Variants in B9D2 observed in about 807,000 individuals in gnomAD.
B9D2 encodes the protein B9 domain-containing protein 2.
Under a neutral mutation model 19.2 loss-of-function variants are expected in B9D2, and 21 were observed. The observed-to-expected ratio is 1.09, with a 90% CI of 0.78 to 1.58. The LOEUF (loss-of-function observed/expected upper bound fraction) is 1.58. Among genes scored for constraint, B9D2 ranks in the 40% most tolerant of loss-of-function variants. The pLI is 0.00. For synonymous variants in B9D2, 91 were observed against 100.6 expected, an observed-to-expected ratio of 0.90 and a Z score of 0.57; for missense variants, 221 against 244.3, an observed-to-expected ratio of 0.90 and a Z score of 0.64.
In B9D2 at chr19:41,354,733, G is replaced by A. The variant is rs542445852; in HGVS notation, c.495C>T (p.Leu165=). The change falls in exon 4 of 4, where the codon CTC becomes CTT. Residue 165 remains leucine, a synonymous_variant. Transcript: ENST00000243578. ...CCACGCCGTAGCGGTCGAAGTTGCG[G>A]AGCAGCAGGCCGATCTCCAGGTGCA... ...GTVHLEIGLL[L]RNFDRYGVEC The A allele has an allele frequency of 2.2e-5, 36 of 1,614,048 alleles. No homozygotes were observed. The highest frequency in any genetic ancestry group is 1.6e-4 in the Middle Eastern group (1 of 6,062).
In B9D2 at chr19:41,363,656, C is replaced by G. The variant is rs576803068; in HGVS notation, c.-4-133G>C. The G allele has an allele frequency of 1.3e-4, 108 of 805,500 alleles. No homozygotes were observed. The East Asian group carries it at 2.1e-3, about 16-fold the overall frequency. 49.9% of individuals were successfully genotyped at this position (805,500 alleles called of 1,614,324 possible). Reference sequence around the variant, plus strand: ...AGCTAGCTTCGTCACACCCCTGAGGCTGAGGTCTTGACCACAGATCCTAAT... The same window carrying G: ...AGCTAGCTTCGTCACACCCCTGAGGGTGAGGTCTTGACCACAGATCCTAAT... On this transcript the variant is annotated intron_variant, in intron 1 of 3. Transcript: ENST00000243578.
chr19:41,363,415 C>T lies in B9D2; in HGVS notation c.88+17G>A. On this transcript the variant is annotated intron_variant, in intron 2 of 3. Transcript: ENST00000243578. ...TAGGGGTCTTGGTGTGGAAATGAACCAGGCTTGGGGGAATACCTGTGTGAA... is the reference window on the plus strand; with the variant it reads ...TAGGGGTCTTGGTGTGGAAATGAACTAGGCTTGGGGGAATACCTGTGTGAA... 6.2e-7 allele frequency: 1 copy of T among 1,613,588 alleles called. No homozygotes were observed. Among genetic ancestry groups the T allele is most frequent in the Non-Finnish European group, 8.5e-7 (1 of 1,179,620 alleles).
At chr19:41,356,836 G>A (rs947542510) in intron 3 of B9D2, among the ~76,000 whole-genome samples, 8 of 138,934 alleles carry the variant, frequency 5.8e-5, no homozygotes, top group African/African-American at 2.2e-4. Flanking sequence ...GGGCAACAGA[G>A]TGAAACTCTG....
Position 41,357,915 on chromosome 19 carries a change from C to A in B9D2, c.196G>T (p.Ala66Ser), listed in dbSNP as rs1224741304. 1 of 1,614,098 alleles carries A rather than the reference C, an allele frequency of 6.2e-7. No homozygotes were observed. Among genetic ancestry groups the A allele is most frequent in the South Asian group, 1.1e-5 (1 of 91,074 alleles). Residue 66 changes from alanine to serine, a missense_variant, in exon 3 of 4, where the codon GCC becomes TCC. Ala to Ser is a moderately conservative substitution (Grantham distance 99, BLOSUM62 1). Transcript: ENST00000243578. Reference protein sequence around the residue: ...YWSHPIDLHFATKGLQGWPRL... With the variant: ...YWSHPIDLHFSTKGLQGWPRL... ...TACCCACCTTGAAGACCTTTGGTGG[C>A]GAAGTGCAGGTCGATGGGGTGGGAC...
intron 3 of B9D2, 85 bp from the exon 4 acceptor site, chr19:41,355,098 G>A (rs573077940): frequency 1.2e-4 from 164 of 1,326,752 alleles, no homozygotes; most frequent in Middle Eastern, 4.9e-4. Context: ...ACTCACTGGA[G>A]ACCCCAGGCC....
rs2038277745 is a variant in B9D2 at position 41,354,728 on chromosome 19, T to C, written c.500A>G (p.Asn167Ser). The C allele has an allele frequency of 4.3e-6, 7 of 1,614,054 alleles. No homozygotes were observed. Among genetic ancestry groups the C allele is most frequent in the Non-Finnish European group, 5.1e-6 (6 of 1,180,014 alleles). Residue 167 changes from asparagine to serine, a missense_variant, in exon 4 of 4, where the codon AAC becomes AGC. Transcript: ENST00000243578. ...GCACTCCACGCCGTAGCGGTCGAAGTTGCGGAGCAGCAGGCCGATCTCCAG... is the reference window on the plus strand; with the variant it reads ...GCACTCCACGCCGTAGCGGTCGAAGCTGCGGAGCAGCAGGCCGATCTCCAG... Reference protein sequence around the residue: ...VHLEIGLLLRNFDRYGVEC With the variant: ...VHLEIGLLLRSFDRYGVEC
At chr19:41,355,933 G>A (rs2038305916) in intron 3 of B9D2, among the ~76,000 whole-genome samples, 1 of 152,212 alleles carries the variant, frequency 6.6e-6, no homozygotes, top group South Asian at 2.1e-4. Flanking sequence ...TAGAGGAAGA[G>A]TGCTCCTAGC....
intron 2 of B9D2, chr19:41,362,940 G>A (rs1400736696): frequency 9.3e-6 from 2 of 214,782 alleles, no homozygotes; most frequent in East Asian, 1.1e-4. Flanking sequence ...CCTCAGTTGG[G>A]GAAGCATGAA....
At chr19:41,358,171 G>A in intron 2 of B9D2, 149 bp from the exon 3 acceptor site, 3 of 1,249,270 alleles carry the variant, frequency 2.4e-6, no homozygotes, top group Non-Finnish European at 2.2e-6. Context: ...TCAAATCCTG[G>A]CACTACCTCT....
At chr19:41,363,040 T>G in intron 2 of B9D2, 3 of 249,014 alleles carry the variant, frequency 1.2e-5, no homozygotes, top group East Asian at 1.0e-4. Flanking sequence ...AGCGCAGGAG[T>G]TCGAGACCAG....
rs1374927085 is a variant in B9D2, at chr19:41,354,562, A to G, written c.*138T>C. On this transcript the variant is annotated 3_prime_UTR_variant, in exon 4 of 4. Transcript: ENST00000243578. ...CCAGAGGGACCCCGAGGTCCTAGAA[A>G]GGACAGAAGCGGTGCCATGCCTTAG... The G allele has an allele frequency of 4.3e-5, 51 of 1,177,566 alleles. No homozygotes were observed. Among genetic ancestry groups the G allele is most frequent in the Non-Finnish European group, 1.3e-5 (11 of 815,946 alleles). The allele number at this position is 1,177,566 out of a possible 1,614,324, so 72.9% of individuals were successfully genotyped here.
intron 3 of B9D2, among the ~76,000 whole-genome samples, chr19:41,356,726 C>T (rs774386366): frequency 5.9e-5 from 9 of 151,760 alleles, no homozygotes; most frequent in Non-Finnish European, 1.3e-4. Context: ...TGGCACGTGG[C>T]TGTAGTCCCA....
At chr19:41,356,346 A>G (rs2038313007) in intron 3 of B9D2, among the ~76,000 whole-genome samples, 1 of 152,114 alleles carries the variant, frequency 6.6e-6, no homozygotes, top group South Asian at 2.1e-4. Context: ...GGGATTTAGG[A>G]TGTATTTCAA....
intron 2 of B9D2, among the ~76,000 whole-genome samples, chr19:41,361,501 C>T (rs1034118459): frequency 6.6e-6 from 1 of 151,870 alleles, no homozygotes; most frequent in Non-Finnish European, 1.5e-5. Context: ...CAAAAAGGAC[C>T]CAGGGGCCAG....
At chr19:41,360,510 T>C (rs2038387269) in intron 2 of B9D2, among the ~76,000 whole-genome samples, 1 of 151,874 alleles carries the variant, frequency 6.6e-6, no homozygotes, top group South Asian at 2.1e-4. Flanking sequence ...TTTTATTTTA[T>C]TTATTTTTTT....
intron 3 of B9D2, among the ~76,000 whole-genome samples, chr19:41,357,659 C>T (rs868182709): frequency 6.6e-6 from 1 of 151,940 alleles, no homozygotes; most frequent in Admixed American, 6.6e-5. Flanking sequence ...CCTGACCCCC[C>T]ACCTTCCCAC....
chr19:41,355,064 CCTG>C, intron 3 of B9D2, 51 bp from the exon 4 acceptor site: 1 of 1,455,530 alleles, frequency 6.9e-7, no homozygotes, highest in Non-Finnish European at 9.2e-7. Flanking sequence ...GGACCAGACT[CCTG>C]CTGATTCCCC....
At chr19:41,359,669 C>T (rs1373507024) in intron 2 of B9D2, among the ~76,000 whole-genome samples, 1 of 151,674 alleles carries the variant, frequency 6.6e-6, no homozygotes, top group Non-Finnish European at 1.5e-5. Context: ...TCCCATTGCA[C>T]TCCAGCCTGG....
Position 41,354,617 on chromosome 19 carries a change from C to G in B9D2, c.*83G>C. On this transcript the variant is annotated 3_prime_UTR_variant, in exon 4 of 4. Coordinates refer to ENST00000243578, the MANE Select transcript of B9D2 (RefSeq NM_030578.4). ...GGTCAGCTCTGACAGTCTCTAGAGT[C>G]TGTGCTCTTGACCACTGTGCCATCC... is the stretch of plus-strand genomic sequence containing the variant. 6.4e-7 allele frequency: 1 copy of G among 1,555,260 alleles called. No individual in the cohort carries two copies. Among genetic ancestry groups the G allele is most frequent in the Non-Finnish European group, 8.8e-7 (1 of 1,131,780 alleles).
Sources: gnomAD v4.1 joint callset for allele counts (sites outside exome capture counted in the v4.1 genomes callset) on GRCh38, gnomAD v4.1.1 for gene constraint, MANE v1.5 for transcripts, NCBI Gene and HGNC (gene_info 2026-07-23, HGNC 2026-07-21) for gene names.